The following ACACA variants were observed in gnomAD, a reference collection of about 807,000 sequenced individuals.
The protein encoded by ACACA is acetyl-CoA carboxylase alpha, also known as acetyl-CoA carboxylase 1.
A neutral mutation model predicts 296.1 loss-of-function variants in ACACA; 103 were observed. The ratio of observed to expected loss-of-function variants is 0.35; its 90% confidence interval spans 0.30 to 0.41. The LOEUF (loss-of-function observed/expected upper bound fraction) is 0.41. ACACA is among the 10% of genes least tolerant of loss of function. The probability of loss-of-function intolerance (pLI) is 1.00; values close to 1 mark genes in which losing one functional copy is unlikely to be tolerated. For missense variants in ACACA, 1,554 were observed against 2,989.7 expected (o/e 0.52, Z 11.20); for synonymous variants, 953 against 1,038.6 (o/e 0.92, Z 1.58).
intron 1 of ACACA, among the ~76,000 whole-genome samples, chr17:37,398,160 G>C (rs1352144535): frequency 1.3e-5 from 2 of 149,896 alleles, no homozygotes; most frequent in Non-Finnish European, 3.0e-5. Flanking sequence ...AACCAGGTAG[G>C]CGGAGGTTGT....
intron 41 of ACACA, among the ~76,000 whole-genome samples, chr17:37,176,265 A>G (rs973324989): frequency 6.6e-6 from 1 of 152,178 alleles, no homozygotes; most frequent in Non-Finnish European, 1.5e-5. Context: ...AGAAACTCCA[A>G]TCCTTGAAGG....
At chr17:37,132,563 C>T (rs2075150348) in intron 45 of ACACA, among the ~76,000 whole-genome samples, 1 of 152,136 alleles carries the variant, frequency 6.6e-6, no homozygotes, top group Non-Finnish European at 1.5e-5. Context: ...AAAAGGAATA[C>T]AAAAGGAGAC....
Position 37,087,015 on chromosome 17 carries a change from A to T in ACACA, c.*301T>A. ...AGGGGCAGCCCTACTTTGGTTAGTA[A>T]GACCTCATGGTACATGTTTGTACCT... On this transcript the variant is annotated 3_prime_UTR_variant, in exon 56 of 56. Transcript: ENST00000616317. 1 of 467,994 alleles carries T rather than the reference A, an allele frequency of 2.1e-6. No individual in the cohort carries two copies. Among genetic ancestry groups the T allele is most frequent in the Non-Finnish European group, 4.0e-6 (1 of 253,120 alleles). 29.0% of individuals were successfully genotyped at this position (467,994 alleles called of 1,614,324 possible).
intron 48 of ACACA, 157 bp from the exon 49 acceptor site, chr17:37,122,784 T>C: frequency 4.2e-6 from 3 of 717,474 alleles, no homozygotes; most frequent in Non-Finnish European, 5.0e-6. Flanking sequence ...TGTGAGACTC[T>C]ACGGATTTGA....
chr17:37,377,631 T>C (rs1054957608), intron 1 of ACACA, among the ~76,000 whole-genome samples: 1 of 151,344 alleles, frequency 6.6e-6, no homozygotes, highest in Non-Finnish European at 1.5e-5. Context: ...CTGCACTCCA[T>C]CCTGGGCGAC....
In ACACA at chr17:37,197,985, C is replaced by T. The variant is rs147559777; in HGVS notation, c.4158+2154G>A. Among the ~76,000 whole-genome samples the T allele has an allele frequency of 3.6e-3, 550 of 152,276 alleles. 2 individuals are homozygous for T. Among genetic ancestry groups the T allele is most frequent in the Non-Finnish European group, 5.6e-3 (383 of 68,026 alleles). On this transcript the variant is annotated intron_variant, in intron 35 of 55. Transcript: ENST00000616317. Reference sequence around the variant, plus strand: ...AATAGGAATCAGACAATGATTGTCACGGAAGACCCCCTGCTGGCCTCATTT... The same window carrying T: ...AATAGGAATCAGACAATGATTGTCATGGAAGACCCCCTGCTGGCCTCATTT...
chr17:37,281,560 A>G (rs1190912193), intron 5 of ACACA, among the ~76,000 whole-genome samples: 2 of 152,218 alleles, frequency 1.3e-5, no homozygotes, highest in Non-Finnish European at 2.9e-5. Flanking sequence ...AGTACCAGGT[A>G]GAAATGAATG....
intron 52 of ACACA, among the ~76,000 whole-genome samples, chr17:37,109,049 GA>G (rs1485912167): frequency 1.3e-5 from 2 of 152,168 alleles, no homozygotes; most frequent in African/African-American, 4.8e-5. Flanking sequence ...TCTGAAAAAT[GA>G]GACCATTTTC....
chr17:37,152,502 A>G (rs920711766), intron 43 of ACACA, among the ~76,000 whole-genome samples: 1 of 152,162 alleles, frequency 6.6e-6, no homozygotes, highest in African/African-American at 2.4e-5. Flanking sequence ...CTTCATAAAT[A>G]TCAAGTATAT....
chr17:37,381,663 C>T (rs138041168), intron 1 of ACACA, among the ~76,000 whole-genome samples: 1,438 of 143,038 alleles, frequency 0.01, 15 homozygotes, highest in Non-Finnish European at 0.015. Flanking sequence ...AGTCTCGCTC[C>T]GTTGCCCAGG....
At chr17:37,300,986 A>G (rs1598434983) in intron 3 of ACACA, among the ~76,000 whole-genome samples, 1 of 152,340 alleles carries the variant, frequency 6.6e-6, no homozygotes, top group Middle Eastern at 3.4e-3. Flanking sequence ...CACAGATGAG[A>G]AGCTGCTCAA....
intron 3 of ACACA, among the ~76,000 whole-genome samples, chr17:37,303,923 G>C (rs1447760448): frequency 6.6e-6 from 1 of 152,204 alleles, no homozygotes; most frequent in East Asian, 1.9e-4. Context: ...CACCAGCAAT[G>C]TACAAGAAAT....
intron 1 of ACACA, among the ~76,000 whole-genome samples, chr17:37,371,238 C>A (rs1467731376): frequency 6.6e-6 from 1 of 151,688 alleles, no homozygotes; most frequent in Non-Finnish European, 1.5e-5. Flanking sequence ...TGCCACCATG[C>A]CTGGCTAATT....
At chr17:37,258,813 T>C (rs936808963) in intron 12 of ACACA, among the ~76,000 whole-genome samples, 4 of 152,232 alleles carry the variant, frequency 2.6e-5, no homozygotes, top group African/African-American at 9.7e-5. Flanking sequence ...GTGTTCTCGA[T>C]GTGGGCAAAT....
chr17:37,268,760 T>TAG (rs2081933267), intron 10 of ACACA, among the ~76,000 whole-genome samples: 2 of 145,936 alleles, frequency 1.4e-5, no homozygotes, highest in Non-Finnish European at 3.0e-5. Context: ...TATATATATA[T>TAG]ATATATATCT....
At chr17:37,217,260 C>CAAAA (rs34419580) in intron 29 of ACACA, among the ~76,000 whole-genome samples, 11 of 42,528 alleles carry the variant, frequency 2.6e-4, no homozygotes, top group Non-Finnish European at 4.1e-4. Context: ...AACTCTATCT[C>CAAAA]AAAAAAAAAA....
In ACACA at chr17:37,263,749, T is replaced by G; in HGVS notation, c.1265A>C (p.Gln422Pro). 1 of 1,614,106 alleles carries G rather than the reference T, an allele frequency of 6.2e-7. No individual in the cohort carries two copies. Among genetic ancestry groups the G allele is most frequent in the Non-Finnish European group, 8.5e-7 (1 of 1,179,998 alleles). The change falls in exon 11 of 56, where the codon CAG becomes CCG. Residue 422 changes from glutamine to proline, a missense_variant. By Grantham distance (76) the Gln-to-Pro change is moderately conservative (BLOSUM62 -1). This residue lies in a region of ACACA where 82 missense variants were observed against 185.2 expected (regional missense o/e 0.44). Transcript: ENST00000616317. Reference protein sequence around the residue: ...GRDCSVQRRHQKIIEEAPATI... With the variant: ...GRDCSVQRRHPKIIEEAPATI... ...AGCAGGTGCTTCTTCAATAATCTTC[T>G]GATGCCTGCGTTGTACAGAGCAATC...
intron 16 of ACACA, among the ~76,000 whole-genome samples, chr17:37,250,661 C>T (rs757419654): frequency 8.6e-5 from 13 of 151,174 alleles, no homozygotes; most frequent in Non-Finnish European, 1.9e-4. Flanking sequence ...AGATTAAACG[C>T]GAAAAAATTA....
At position 37,283,330 on chromosome 17, in the gene ACACA, G is replaced by T. The variant is rs111441513; in HGVS notation, c.547C>A (p.Arg183=). Residue 183 remains arginine (R), a synonymous_variant, in exon 5 of 56, where the codon CGA becomes AGA. Transcript: ENST00000616317. The stretch of plus-strand genomic sequence containing the variant: ...ACGAATCTAATTGCACGTTCATTTC[G>T]AAACATTTCATAAGACCACCTACGG... The part of the protein sequence containing the change: ...SIRRWSYEMF[R]NERAIRFVVM... 4.7e-3 allele frequency: 7,606 copies of T among 1,614,038 alleles called. 26 individuals carry two copies. Among genetic ancestry groups the T allele is most frequent in the Non-Finnish European group, 5.7e-3 (6,717 of 1,179,988 alleles).
Sources: gnomAD v4.1 joint callset for allele counts (sites outside exome capture counted in the v4.1 genomes callset) on GRCh38, gnomAD v4.1.1 for gene constraint, gnomAD v4.1.1 regional missense constraint, MANE v1.5 for transcripts, NCBI Gene and HGNC (gene_info 2026-07-23, HGNC 2026-07-21) for gene names.